Variants in NPY1R observed in about 807,000 individuals in gnomAD.
The protein encoded by NPY1R is neuropeptide Y receptor Y1, also known as neuropeptide Y receptor type 1.
In NPY1R, 10 loss-of-function variants were observed where a neutral mutation model predicts 24.1. The observed-to-expected ratio is 0.42, with a 90% CI of 0.26 to 0.71. The LOEUF (loss-of-function observed/expected upper bound fraction) is 0.71, where lower values mean the gene tolerates loss of function less well. Among genes scored for constraint, NPY1R ranks in the 30% least tolerant of loss-of-function variants. The pLI is 0.28. For synonymous variants in NPY1R, 168 were observed against 165.9 expected, an observed-to-expected ratio of 1.01 and a Z score of -0.10; for missense variants, 350 against 458.0, an observed-to-expected ratio of 0.76 and a Z score of 2.15.
rs201085399 is a variant in NPY1R, at chr4:163,342,956, C to CTTCTCT, written c.-152+1343_-152+1348dup. 4.5e-3 allele frequency among the ~76,000 whole-genome samples: 528 copies of CTTCTCT among 118,446 alleles called. 9 individuals are homozygous for CTTCTCT. Among genetic ancestry groups the CTTCTCT allele is most frequent in the African/African-American group, 0.021 (464 of 21,902 alleles). The allele number at this position is 118,446 out of a possible 152,430, so 77.7% of individuals were successfully genotyped here. A position where few individuals can be genotyped will look rare whatever the true frequency, so the allele number is the denominator to read the frequency against. Reference sequence around the variant, plus strand: ...CAATGTCTCTTTTCTCCCTTCTCTCCTTCTCTCTCTCTCTCTCTCTCACAG... The same window carrying CTTCTCT: ...CAATGTCTCTTTTCTCCCTTCTCTCCTTCTCTTTCTCTCTCTCTCTCTCTCTCACAG... On this transcript the variant is annotated intron_variant, in intron 1 of 1. Transcript: ENST00000511901.
At chr4:163,341,909 A>C (rs1734992216) in intron 1 of NPY1R, among the ~76,000 whole-genome samples, 1 of 152,222 alleles carries the variant, frequency 6.6e-6, no homozygotes, top group African/African-American at 2.4e-5. Context: ...ACTTATCTTC[A>C]TATCTTCCTC....
chr4:163,325,332 T>A lies in NPY1R; in HGVS notation c.1126A>T (p.Asn376Tyr). The A allele has an allele frequency of 6.2e-7, 1 of 1,611,230 alleles. No homozygotes were observed. Residue 376 changes from asparagine (N) to tyrosine (Y), a missense_variant, in exon 3 of 3, where the codon AAC (asparagine) becomes TAC (tyrosine). Coordinates refer to ENST00000296533, the MANE Select transcript of NPY1R (RefSeq NM_000909.6). ...QASPVAFKKI[N>Y]NNDDNEKI ...ATTTTTTCATTATCATCATTGTTGT[T>A]GATTTTTTTAAATGCGACTGGGCTT...
chr4:163,330,950 T>C (rs1734711847), intron 1 of NPY1R: 1 of 152,230 alleles, frequency 6.6e-6, no homozygotes, highest in Non-Finnish European at 1.5e-5. Flanking sequence ...TGCTAGCTTA[T>C]CTAAATGAAT....
At chr4:163,342,519 C>T (rs946387816) in intron 1 of NPY1R, among the ~76,000 whole-genome samples, 1 of 152,180 alleles carries the variant, frequency 6.6e-6, no homozygotes, top group Non-Finnish European at 1.5e-5. Context: ...CCTGCTCAGA[C>T]GGCCTATTCT....
At chr4:163,332,421 T>A (rs1255515737) in intron 1 of NPY1R, 61 bp downstream of exon 1, 1 of 152,246 alleles carries the variant, frequency 6.6e-6, no homozygotes, top group Non-Finnish European at 1.5e-5. Flanking sequence ...CCTCTCATCC[T>A]TCACCTTGTC....
intron 1 of NPY1R, among the ~76,000 whole-genome samples, chr4:163,340,670 T>C (rs7434801): frequency 0.86 from 131,076 of 152,036 alleles, 56,999 homozygotes; most frequent in East Asian, 0.99. Flanking sequence ...TTTCATTTTA[T>C]AAAGAAAACG....
intron 1 of NPY1R, among the ~76,000 whole-genome samples, chr4:163,327,369 C>A (rs911794878): frequency 4.6e-5 from 7 of 152,088 alleles, no homozygotes; most frequent in South Asian, 4.1e-4. Context: ...TAGAACACAG[C>A]GTTGAGCTTA....
intron 2 of NPY1R, 21 bp downstream of exon 2, chr4:163,325,835 A>G: frequency 1.9e-6 from 3 of 1,597,100 alleles, no homozygotes; most frequent in Non-Finnish European, 2.6e-6. Flanking sequence ...AATGGAAATG[A>G]TAGAAAAAAA....
In NPY1R at chr4:163,325,838, G is replaced by GA; in HGVS notation, c.699+17dup. ...AAAGAAGGTAAAAATGGAAATGATA[G>GA]AAAAAAAGTTTTCTTACCTTGAAGT... On this transcript the variant is annotated intron_variant, in intron 2 of 2. Transcript: ENST00000296533. 6.2e-7 allele frequency: 1 copy of GA among 1,601,534 alleles called. No homozygotes were observed. The highest frequency in any genetic ancestry group is 1.1e-5 in the South Asian group (1 of 89,726).
intron 1 of NPY1R, among the ~76,000 whole-genome samples, chr4:163,338,130 G>A (rs1412008048): frequency 6.6e-6 from 1 of 150,634 alleles, no homozygotes; most frequent in Non-Finnish European, 1.5e-5. Context: ...TACTTCTTAG[G>A]CTTTTTTTTC....
At chr4:163,334,925 A>C (rs1734803458), upstream of NPY1R, among the ~76,000 whole-genome samples, 1 of 151,796 alleles carries the variant, frequency 6.6e-6, no homozygotes, top group Non-Finnish European at 1.5e-5. Context: ...TAGGAATACC[A>C]TTTACTAGGA....
upstream of NPY1R, among the ~76,000 whole-genome samples, chr4:163,333,600 AG>A (rs1416069275): frequency 1.3e-5 from 2 of 152,240 alleles, no homozygotes; most frequent in Non-Finnish European, 2.9e-5. Flanking sequence ...GAATTTATAA[AG>A]ATTTCATTAG....
At chr4:163,344,633 A>G (rs772453152) in exon 1 of NPY1R, 1 of 152,256 alleles carries the variant, frequency 6.6e-6, no homozygotes, top group African/African-American at 2.4e-5. Context: ...GTGTCTTCAT[A>G]TAACAAATGC....
chr4:163,342,318 C>T (rs571439133), intron 1 of NPY1R, among the ~76,000 whole-genome samples: 37 of 152,300 alleles, frequency 2.4e-4, no homozygotes, highest in African/African-American at 8.4e-4. Flanking sequence ...GTTTTAAAGA[C>T]AATGTGTATT....
At chr4:163,335,674 A>C (rs892983504), upstream of NPY1R, among the ~76,000 whole-genome samples, 33 of 152,274 alleles carry the variant, frequency 2.2e-4, no homozygotes, top group Middle Eastern at 6.8e-3. Context: ...ATGATGAAGC[A>C]CGTCAGTGAA....
At position 163,325,874 on chromosome 4, in the gene NPY1R, T is replaced by C; in HGVS notation, c.681A>G (p.Ile227Met). The part of the protein sequence containing the change: ...VLQYFGPLCF[I>M]FICYFKIYIR... The stretch of plus-strand genomic sequence containing the variant: ...TTCTTACCTTGAAGTAGCAAATAAA[T>C]ATAAAACAAAGTGGACCAAAATACT... Residue 227 changes from isoleucine (I) to methionine (M), a missense_variant, in exon 2 of 3, where the codon ATA becomes ATG. Coordinates refer to ENST00000296533, the MANE Select transcript of NPY1R (RefSeq NM_000909.6). 6.2e-7 allele frequency: 1 copy of C among 1,613,446 alleles called. No individual in the cohort carries two copies. The highest frequency in any genetic ancestry group is 8.5e-7 in the Non-Finnish European group (1 of 1,179,668).
intron 1 of NPY1R, among the ~76,000 whole-genome samples, chr4:163,342,957 T>TCTCTTTC (rs1735032293): frequency 2.3e-5 from 3 of 133,288 alleles, no homozygotes; most frequent in Non-Finnish European, 3.2e-5. Context: ...CCTTCTCTCC[T>TCTCTTTC]TCTCTCTCTC....
At chr4:163,328,179 A>G (rs915714503) in intron 1 of NPY1R, among the ~76,000 whole-genome samples, 2 of 152,124 alleles carry the variant, frequency 1.3e-5, no homozygotes, top group African/African-American at 4.8e-5. Flanking sequence ...GAATGAAACT[A>G]TTAAAGAATG....
chr4:163,325,085 G>C lies in NPY1R; in HGVS notation c.*218C>G, dbSNP rs1734572160. ...ACAAAAAGCACTTCAAAGATGTCTGGTCAAAACTATTTCCAGAAGACCCCA... is the reference window on the plus strand; with the variant it reads ...ACAAAAAGCACTTCAAAGATGTCTGCTCAAAACTATTTCCAGAAGACCCCA... On this transcript the variant is annotated 3_prime_UTR_variant, in exon 3 of 3. Coordinates refer to ENST00000296533, the MANE Select transcript of NPY1R (RefSeq NM_000909.6). 5.7e-6 allele frequency: 3 copies of C among 524,048 alleles called. No homozygotes were observed. 32.5% of individuals were successfully genotyped at this position (524,048 alleles called of 1,614,324 possible).
Sources: gnomAD v4.1 joint callset for allele counts (sites outside exome capture counted in the v4.1 genomes callset) on GRCh38, gnomAD v4.1.1 for gene constraint, MANE v1.5 for transcripts, NCBI Gene and HGNC (gene_info 2026-07-23, HGNC 2026-07-21) for gene names.